EYA1: variants seen among roughly 807,000 people sequenced by gnomAD.
EYA1 encodes the protein protein phosphatase EYA1.
Under a neutral mutation model 82.0 loss-of-function variants are expected in EYA1, and 16 were observed. The observed-to-expected ratio is 0.20, with a 90% CI of 0.13 to 0.30. EYA1 has a LOEUF of 0.30. Among genes scored for constraint, EYA1 ranks in the 10% least tolerant of loss-of-function variants. The pLI is 1.00. For missense variants in EYA1, 633 were observed against 730.7 expected (o/e 0.87, Z 1.54); for synonymous variants, 261 against 264.4 (o/e 0.99, Z 0.12).
chr8:71,302,044 AAG>A (rs1820258005), intron 7 of EYA1, among the ~76,000 whole-genome samples: 1 of 152,190 alleles, frequency 6.6e-6, no homozygotes, highest in Non-Finnish European at 1.5e-5. Flanking sequence ...TGCCTTGTAA[AAG>A]AAATTTTAAA....
rs1286259084 is a variant in EYA1, at chr8:71,215,381, G to C, written c.1597+6C>G. 4 of 1,611,354 alleles carry C rather than the reference G, an allele frequency of 2.5e-6. No homozygotes were observed. In the Admixed American group the frequency reaches 5.0e-5, roughly 20 times the overall value. On this transcript the variant is annotated splice_donor_region_variant and intron_variant, in intron 16 of 17. Coordinates refer to ENST00000340726, the MANE Select transcript of EYA1 (RefSeq NM_000503.6). The stretch of plus-strand genomic sequence containing the variant: ...GATTGTTAAAAAGAAAAGAAAAGCA[G>C]CTCACCTATTTTAGTTGCACTGTAA...
intron 9 of EYA1, among the ~76,000 whole-genome samples, chr8:71,285,449 C>G (rs1818264954): frequency 6.6e-6 from 1 of 152,114 alleles, no homozygotes; most frequent in African/African-American, 2.4e-5. Flanking sequence ...AAGCTGAAAA[C>G]AATATTCATG....
intron 2 of EYA1, among the ~76,000 whole-genome samples, chr8:71,523,179 C>CTTTTTT (rs1160944112): frequency 3.9e-4 from 47 of 119,740 alleles, no homozygotes; most frequent in Non-Finnish European, 5.9e-4. Context: ...TTTTCTTTTT[C>CTTTTTT]TTTTTTTTTT....
At chr8:71,298,977 T>A in intron 9 of EYA1, 70 bp downstream of exon 9, 1 of 1,496,352 alleles carries the variant, frequency 6.7e-7, no homozygotes, top group Non-Finnish European at 9.3e-7. Context: ...CATGAATATA[T>A]GACTGTAGAA....
chr8:71,357,665 T>A (rs1827017668), intron 1 of EYA1, among the ~76,000 whole-genome samples: 3 of 152,234 alleles, frequency 2.0e-5, no homozygotes, highest in East Asian at 1.9e-4. Flanking sequence ...CTGTTATTTT[T>A]AAATTATGAT....
intron 1 of EYA1, among the ~76,000 whole-genome samples, chr8:71,536,904 C>A (rs1428388126): frequency 6.6e-6 from 1 of 152,170 alleles, no homozygotes; most frequent in Admixed American, 6.5e-5. Flanking sequence ...ATAACATAAG[C>A]TATCTGAACC....
At chr8:71,394,210 G>C (rs189878311) in intron 2 of EYA1, among the ~76,000 whole-genome samples, 39,334 of 151,874 alleles carry the variant, frequency 0.26, 5,310 homozygotes, top group Non-Finnish European at 0.29. Context: ...CAGATGGGTA[G>C]ATTGTAAAAA....
intron 2 of EYA1, among the ~76,000 whole-genome samples, chr8:71,370,707 G>T (rs534149385): frequency 7.9e-5 from 12 of 152,114 alleles, no homozygotes; most frequent in African/African-American, 2.4e-4. Flanking sequence ...CTGCATCCTT[G>T]ACTTGGCAGG....
intron 11 of EYA1, among the ~76,000 whole-genome samples, chr8:71,267,594 G>GC (rs1195711033): frequency 6.6e-6 from 1 of 152,094 alleles, no homozygotes; most frequent in African/African-American, 2.4e-5. Context: ...TGTTGCCCAG[G>GC]CTGGAGCACA....
intron 9 of EYA1, among the ~76,000 whole-genome samples, chr8:71,293,243 A>C (rs1463274968): frequency 6.6e-6 from 1 of 152,144 alleles, no homozygotes; most frequent in Non-Finnish European, 1.5e-5. Flanking sequence ...AGAAGGAAAA[A>C]TAGATAATAT....
At chr8:71,522,882 T>A (rs1813505802) in intron 2 of EYA1, among the ~76,000 whole-genome samples, 1 of 152,194 alleles carries the variant, frequency 6.6e-6, no homozygotes, top group African/African-American at 2.4e-5. Context: ...ATGGCTAGGA[T>A]TACAGGCGTG....
intron 12 of EYA1, among the ~76,000 whole-genome samples, chr8:71,224,609 C>T (rs1299305841): frequency 6.6e-6 from 1 of 152,226 alleles, no homozygotes; most frequent in African/African-American, 2.4e-5. Flanking sequence ...ATACATGGGA[C>T]ATGGGTAGTT....
At chr8:71,424,740 T>C (rs758167144) in intron 2 of EYA1, among the ~76,000 whole-genome samples, 1 of 152,130 alleles carries the variant, frequency 6.6e-6, no homozygotes, top group Non-Finnish European at 1.5e-5. Context: ...CTAAGGTTTT[T>C]CACTTTTGTG....
intron 2 of EYA1, among the ~76,000 whole-genome samples, chr8:71,396,097 C>A (rs189475554): frequency 6.6e-6 from 1 of 152,136 alleles, no homozygotes; most frequent in East Asian, 1.9e-4. Flanking sequence ...TTATAGTATT[C>A]TCTGATGGTA....
intron 4 of EYA1, among the ~76,000 whole-genome samples, chr8:71,329,782 A>C (rs1371591087): frequency 6.6e-6 from 1 of 152,238 alleles, no homozygotes; most frequent in Non-Finnish European, 1.5e-5. Flanking sequence ...TGCCAACACA[A>C]GCTTATGTTT....
upstream of EYA1, among the ~76,000 whole-genome samples, chr8:71,362,561 A>G (rs1229724111): frequency 6.6e-6 from 1 of 152,202 alleles, no homozygotes; most frequent in Non-Finnish European, 1.5e-5. Context: ...AAAAACTAGA[A>G]TGGCCATTTC....
At chr8:71,355,188 T>A (rs979480456) in intron 2 of EYA1, among the ~76,000 whole-genome samples, 4 of 152,224 alleles carry the variant, frequency 2.6e-5, no homozygotes, top group Admixed American at 6.5e-5. Context: ...CAAGGTCTAA[T>A]GTGAGACAAT....
At chr8:71,214,276 G>A (rs1466730808) in intron 16 of EYA1, among the ~76,000 whole-genome samples, 2 of 151,988 alleles carry the variant, frequency 1.3e-5, no homozygotes, top group Non-Finnish European at 2.9e-5. Flanking sequence ...TACCTTTTCA[G>A]CTTTGGCTTC....
At position 71,424,506 on chromosome 8, in the gene EYA1, C is replaced by T. The variant is rs572925356; in HGVS notation, c.34-67995G>A. Among the ~76,000 whole-genome samples, 8 of 152,256 alleles carry T rather than the reference C, an allele frequency of 5.3e-5. No individual in the cohort carries two copies. The South Asian group carries it at 1.7e-3, about 32-fold the overall frequency. On this transcript the variant is annotated intron_variant, in intron 2 of 18. Coordinates refer to the EYA1 transcript ENST00000643681. ...TAATTTCTATGAAGGCATAATTTCT[C>T]CCAAATCCAGGACTCACCTTAATGA...
Sources: gnomAD v4.1 joint callset for allele counts (sites outside exome capture counted in the v4.1 genomes callset) on GRCh38, gnomAD v4.1.1 for gene constraint, MANE v1.5 for transcripts, NCBI Gene and HGNC (gene_info 2026-07-23, HGNC 2026-07-21) for gene names.